Variants in ZNF773 observed in about 807,000 individuals in gnomAD.
ZNF773 encodes zinc finger protein 419B.
Under a neutral mutation model 12.8 loss-of-function variants are expected in ZNF773, and 11 were observed. That is an observed-to-expected ratio of 0.86 (90% CI 0.54 to 1.42). ZNF773 has a LOEUF of 1.42. Among genes scored for constraint, ZNF773 ranks in the 40% most tolerant of loss-of-function variants. The pLI is 0.00. For missense variants in ZNF773, 518 were observed against 527.2 expected (o/e 0.98, Z 0.17); for synonymous variants, 175 against 178.4 (o/e 0.98, Z 0.15).
chr19:57,506,620 TAGG>T lies in ZNF773; in HGVS notation c.528_530del (p.Arg176del), dbSNP rs1600152301. The stretch of plus-strand genomic sequence containing the variant: ...TGACTCACACGGGAGAGAAGTCACA[TAGG>T]AGCTCCAAAAGTAGGGAGGCCTTTC... On this transcript the variant is annotated inframe_deletion, in exon 4 of 4. Coordinates refer to ENST00000282292, the MANE Select transcript of ZNF773 (RefSeq NM_198542.3). 6 of 1,614,150 alleles carry T rather than the reference TAGG, an allele frequency of 3.7e-6. No individual in the cohort carries two copies.
chr19:57,507,338 T>G lies in ZNF773; in HGVS notation c.1243T>G (p.Tyr415Asp). 1 of 1,614,182 alleles carries G rather than the reference T, an allele frequency of 6.2e-7. No homozygotes were observed. The highest frequency in any genetic ancestry group is 8.5e-7 in the Non-Finnish European group (1 of 1,180,034). The change falls in exon 4 of 4, where the codon TAT (tyrosine) becomes GAT (aspartate). Residue 415 changes from tyrosine to aspartate, a missense_variant. By Grantham distance (160) the Tyr-to-Asp change is radical. Transcript: ENST00000282292. ...HQRVHTGAKP[Y>D]ECRECGKFFR... is the part of the protein sequence containing the mutation. ...GAGGGTTCACACTGGAGCAAAGCCT[T>G]ATGAGTGCAGGGAATGTGGGAAATT... is the stretch of plus-strand genomic sequence containing the variant.
chr19:57,500,952 G>T (rs1441757679), intron 1 of ZNF773, among the ~76,000 whole-genome samples: 1 of 152,162 alleles, frequency 6.6e-6, no homozygotes, highest in Non-Finnish European at 1.5e-5. Flanking sequence ...TTCGTGGTCC[G>T]AAGTGATTTT....
intron 1 of ZNF773, among the ~76,000 whole-genome samples, chr19:57,502,993 A>G (rs2089687282): frequency 6.6e-6 from 1 of 152,118 alleles, no homozygotes; most frequent in Non-Finnish European, 1.5e-5. Flanking sequence ...GCCTAGCCAG[A>G]GTCTGTGTTT....
downstream of ZNF773, among the ~76,000 whole-genome samples, chr19:57,512,168 A>G (rs2089800655): frequency 6.6e-6 from 1 of 152,216 alleles, no homozygotes; most frequent in Non-Finnish European, 1.5e-5. Flanking sequence ...TTATTTCAAT[A>G]AATATATTGG....
intron 1 of ZNF773, 72 bp from the exon 2 acceptor site, chr19:57,504,585 G>T (rs972535138): frequency 1.9e-6 from 3 of 1,593,734 alleles, no homozygotes; most frequent in Non-Finnish European, 8.6e-7. Context: ...GTGAGCAGGG[G>T]TGGATGTTTA....
chr19:57,500,584 G>C (rs2089658514), intron 1 of ZNF773, among the ~76,000 whole-genome samples: 2 of 152,164 alleles, frequency 1.3e-5, no homozygotes, highest in African/African-American at 4.8e-5. Context: ...CAGAGGAGGG[G>C]AAGTGATCAG....
downstream of ZNF773, chr19:57,515,575 C>G (rs769012449): frequency 3.3e-5 from 5 of 152,232 alleles, no homozygotes; most frequent in Non-Finnish European, 7.3e-5. Flanking sequence ...TGCTACATGT[C>G]ACGTGCCAAA....
At chr19:57,517,262 A>T (rs975937031), downstream of ZNF773, 2 of 152,196 alleles carry the variant, frequency 1.3e-5, no homozygotes, top group African/African-American at 4.8e-5. Flanking sequence ...TCATAGCACA[A>T]TACAAACACA....
At chr19:57,508,506 A>G (rs1258053075), downstream of ZNF773, 1 of 700,440 alleles carries the variant, frequency 1.4e-6, no homozygotes, top group Non-Finnish European at 2.6e-6. Flanking sequence ...TTGTGTTTTT[A>G]TAATTTTCAC....
downstream of ZNF773, among the ~76,000 whole-genome samples, chr19:57,511,056 T>TTTTATTTA (rs2089790659): frequency 3.1e-5 from 1 of 32,528 alleles, no homozygotes; most frequent in African/African-American, 1.2e-4. Flanking sequence ...ATTTTATTTA[T>TTTTATTTA]TTTTTTTTTT....
chr19:57,514,447 C>G (rs1256444098), downstream of ZNF773: 1 of 152,224 alleles, frequency 6.6e-6, no homozygotes. Context: ...CGGCAACTTA[C>G]TAAGGAGGCA....
chr19:57,509,142 C>T (rs1355821594), downstream of ZNF773, among the ~76,000 whole-genome samples: 1 of 152,172 alleles, frequency 6.6e-6, no homozygotes, highest in Non-Finnish European at 1.5e-5. Flanking sequence ...AGGAGATTGT[C>T]CTAATTTTTA....
intron 1 of ZNF773, 90 bp downstream of exon 1, chr19:57,500,203 T>C: frequency 6.9e-7 from 1 of 1,445,162 alleles, no homozygotes; most frequent in Non-Finnish European, 9.2e-7. Context: ...CTGTGGGGCG[T>C]TCGTGGGCGG....
chr19:57,500,412 C>T (rs2089656044), intron 1 of ZNF773, among the ~76,000 whole-genome samples: 1 of 151,872 alleles, frequency 6.6e-6, no homozygotes, highest in Admixed American at 6.6e-5. Context: ...GCCACAGTGG[C>T]CGCGGAGGGC....
rs115473175 is a variant in ZNF773, at chr19:57,507,635, C to G, written c.*211C>G. 7.2e-7 allele frequency: 1 copy of G among 1,387,170 alleles called. No individual in the cohort carries two copies. Among genetic ancestry groups the G allele is most frequent in the African/African-American group, 1.4e-5 (1 of 69,032 alleles). The allele number at this position is 1,387,170 out of a possible 1,614,324, so 85.9% of individuals were successfully genotyped here. On this transcript the variant is annotated 3_prime_UTR_variant, in exon 4 of 4. Transcript: ENST00000282292. Reference sequence around the variant, plus strand: ...CGTATTCAACACCAGAAAGTTTAGACTGGAGAAAGGCCTTAGACTGTCGCT... The same window carrying G: ...CGTATTCAACACCAGAAAGTTTAGAGTGGAGAAAGGCCTTAGACTGTCGCT...
At chr19:57,501,772 A>T (rs891883749) in intron 1 of ZNF773, among the ~76,000 whole-genome samples, 4 of 152,148 alleles carry the variant, frequency 2.6e-5, no homozygotes, top group African/African-American at 9.7e-5. Flanking sequence ...GACCATGAGA[A>T]GGTAAGTGGA....
In ZNF773 at chr19:57,505,342, G is replaced by A; in HGVS notation, c.204G>A (p.Glu68=). The A allele has an allele frequency of 1.2e-6, 2 of 1,614,136 alleles. No homozygotes were observed. Among genetic ancestry groups the A allele is most frequent in the Non-Finnish European group, 1.7e-6 (2 of 1,180,028 alleles). The part of the protein sequence containing the change: ...SSKTHEITQL[E]SWEEPFMPAW... ...AGACCCATGAAATAACCCAGCTGGA[G>A]TCATGGGAGGAGCCCTTCATGCCTG... The change falls in exon 3 of 4, where the codon GAG becomes GAA. Residue 68 remains glutamate, a synonymous_variant. Coordinates refer to ENST00000282292, the MANE Select transcript of ZNF773 (RefSeq NM_198542.3).
chr19:57,500,961 T>C (rs1185417231), intron 1 of ZNF773, among the ~76,000 whole-genome samples: 3 of 152,158 alleles, frequency 2.0e-5, no homozygotes, highest in Non-Finnish European at 4.4e-5. Context: ...CGAAGTGATT[T>C]TGTCTGGTGC....
downstream of ZNF773, among the ~76,000 whole-genome samples, chr19:57,510,390 C>T (rs1040791530): frequency 2.8e-5 from 4 of 143,798 alleles, no homozygotes; most frequent in African/African-American, 9.9e-5. Flanking sequence ...CCACCTGATA[C>T]AGCACATCTA....
Sources: allele counts gnomAD v4.1 joint callset (sites outside exome capture counted in the v4.1 genomes callset), GRCh38; gene constraint gnomAD v4.1.1; transcripts MANE v1.5; gene names NCBI Gene and HGNC (gene_info 2026-07-23, HGNC 2026-07-21).